Variants in MALT1 observed in about 807,000 individuals in gnomAD.
MALT1 encodes the protein mucosa-associated lymphoid tissue lymphoma translocation protein 1.
A neutral mutation model predicts 85.5 loss-of-function variants in MALT1; 36 were observed. The ratio of observed to expected loss-of-function variants is 0.42; its 90% CI spans 0.32 to 0.56. MALT1 has a LOEUF of 0.56. Among genes scored for constraint, MALT1 ranks in the 20% least tolerant of loss-of-function variants. The probability of loss-of-function intolerance (pLI) is 0.10; values close to 1 mark genes in which losing one functional copy is unlikely to be tolerated. For missense variants in MALT1, 716 were observed against 981.6 expected (o/e 0.73, Z 3.62); for synonymous variants, 359 against 361.3 (o/e 0.99, Z 0.07).
Position 58,686,008 on chromosome 18 carries a change from G to A in MALT1, c.376+4672G>A, listed in dbSNP as rs1043391681. Among the ~76,000 whole-genome samples the A allele has an allele frequency of 4.0e-5, 6 of 151,878 alleles. No individual in the cohort carries two copies. In the East Asian group the frequency reaches 9.7e-4, roughly 24 times the overall value. ...GATAGACTTAGATGTGTAGTTCAAG[G>A]TGCTTTTGTTTCTTTTGTTGTTGTT... is the stretch of plus-strand genomic sequence containing the variant. On this transcript the variant is annotated intron_variant, in intron 2 of 16. Coordinates refer to ENST00000649217, the MANE Select transcript of MALT1 (RefSeq NM_006785.4).
At chr18:58,699,360 G>T (rs2054639336) in intron 3 of MALT1, among the ~76,000 whole-genome samples, 2 of 152,180 alleles carry the variant, frequency 1.3e-5, no homozygotes, top group Admixed American at 6.5e-5. Context: ...TAGTAGGATT[G>T]TCAGGCAGTT....
intron 6 of MALT1, among the ~76,000 whole-genome samples, 200 bp from the exon 7 acceptor site, chr18:58,710,721 C>T (rs991371791): frequency 1.3e-5 from 2 of 152,040 alleles, no homozygotes; most frequent in Non-Finnish European, 2.9e-5. Flanking sequence ...TTAACAATCC[C>T]ATTCTTAACT....
chr18:58,680,957 A>C (rs1568122440), intron 1 of MALT1, among the ~76,000 whole-genome samples: 1 of 134,304 alleles, frequency 7.4e-6, no homozygotes, highest in Non-Finnish European at 1.7e-5. Flanking sequence ...AAAAAAAAAT[A>C]ATCATGGGAG....
intron 10 of MALT1, among the ~76,000 whole-genome samples, chr18:58,725,242 A>C (rs2055037715): frequency 6.6e-6 from 1 of 152,164 alleles, no homozygotes; most frequent in Non-Finnish European, 1.5e-5. Flanking sequence ...GAATCGCTTG[A>C]ACCCAGGAGG....
intron 9 of MALT1, among the ~76,000 whole-genome samples, chr18:58,721,250 A>T (rs577338359): frequency 6.6e-6 from 1 of 152,238 alleles, no homozygotes; most frequent in South Asian, 2.1e-4. Flanking sequence ...GTGGTGGCGC[A>T]TGCCTGTAAT....
chr18:58,738,686 A>G (rs1462911370), intron 13 of MALT1, among the ~76,000 whole-genome samples: 1 of 152,160 alleles, frequency 6.6e-6, no homozygotes, highest in African/African-American at 2.4e-5. Flanking sequence ...ATTTTTGCCA[A>G]ATGTTAAATA....
chr18:58,746,664 TTATGGATTACTATAATATTTTAAAA>T (rs1381761198), intron 16 of MALT1, among the ~76,000 whole-genome samples: 1 of 152,170 alleles, frequency 6.6e-6, no homozygotes, highest in Non-Finnish European at 1.5e-5. Flanking sequence ...CCACCTACGA[TTATGGATTACTATAATATTTTAAAA>T]ACAGCTTAAG....
chr18:58,697,617 A>T (rs2054608989), intron 3 of MALT1, among the ~76,000 whole-genome samples: 1 of 152,142 alleles, frequency 6.6e-6, no homozygotes, highest in Non-Finnish European at 1.5e-5. Flanking sequence ...ATGCCCTTTG[A>T]GGAGAAATAG....
intron 13 of MALT1, chr18:58,741,295 C>A (rs1253020986): frequency 6.6e-6 from 1 of 151,912 alleles, no homozygotes; most frequent in Non-Finnish European, 1.5e-5. Context: ...GGCTCATTTT[C>A]TTATCTTTTT....
intron 1 of MALT1, chr18:58,672,971 A>G (rs1293720113): frequency 6.6e-6 from 1 of 152,198 alleles, no homozygotes. Flanking sequence ...GGGTTCCCAG[A>G]CCCCACTTAG....
At chr18:58,676,793 A>G (rs1452182919) in intron 1 of MALT1, among the ~76,000 whole-genome samples, 1 of 152,224 alleles carries the variant, frequency 6.6e-6, no homozygotes, top group Non-Finnish European at 1.5e-5. Context: ...TTGCTGCTGT[A>G]TCCTCAACAC....
chr18:58,710,081 T>C lies in MALT1; in HGVS notation c.925+9T>C. ...GGTAGAAATCATCATAGGTAAGAAG[T>C]ATTTCCCCAGTGTTCTGACAAGTGG... On this transcript the variant is annotated intron_variant, in intron 6 of 16. Coordinates refer to ENST00000649217, the MANE Select transcript of MALT1 (RefSeq NM_006785.4). 1 of 1,557,328 alleles carries C rather than the reference T, an allele frequency of 6.4e-7. No individual in the cohort carries two copies. The highest frequency in any genetic ancestry group is 8.9e-7 in the Non-Finnish European group (1 of 1,129,824).
At chr18:58,725,129 CA>C (rs60468299) in intron 10 of MALT1, among the ~76,000 whole-genome samples, 1,416 of 118,374 alleles carry the variant, frequency 0.012, 19 homozygotes, top group African/African-American at 0.037. Context: ...GACTCCGTCT[CA>C]AAAAAAAAAA....
intron 11 of MALT1, chr18:58,733,808 C>A: frequency 1.0e-6 from 1 of 969,172 alleles, no homozygotes; most frequent in Non-Finnish European, 1.4e-6. Context: ...TGGGCATTTA[C>A]TCACACTACA....
intron 4 of MALT1, among the ~76,000 whole-genome samples, chr18:58,701,121 G>A (rs528539757): frequency 4.1e-5 from 6 of 145,530 alleles, no homozygotes; most frequent in Non-Finnish European, 9.3e-5. Context: ...GTGTGTGTGC[G>A]CGCACGTTCA....
At position 58,700,536 on chromosome 18, in the gene MALT1, T is replaced by C; in HGVS notation, c.594T>C (p.Phe198=). Residue 198 remains phenylalanine (F), a synonymous_variant, in exon 4 of 17, where the codon TTT becomes TTC. Transcript: ENST00000649217. ...GTCGAGTTAATAACAATTTCACCTT[T>C]GAATTCAGCCAGTGGTCACAGCTGG... The part of the protein sequence containing the change: ...YVCRVNNNFT[F]EFSQWSQLDV... 8 of 1,613,262 alleles carry C rather than the reference T, an allele frequency of 5.0e-6. No individual in the cohort carries two copies. Among genetic ancestry groups the C allele is most frequent in the Non-Finnish European group, 5.9e-6 (7 of 1,179,742 alleles).
At chr18:58,674,177 G>A (rs1165498546) in intron 1 of MALT1, 1 of 152,202 alleles carries the variant, frequency 6.6e-6, no homozygotes, top group Admixed American at 6.5e-5. Context: ...GGGAAGAAGC[G>A]TGGCTGCTGG....
chr18:58,674,795 C>CT (rs1430503995), intron 1 of MALT1, among the ~76,000 whole-genome samples: 17 of 152,170 alleles, frequency 1.1e-4, no homozygotes, highest in African/African-American at 4.1e-4. Flanking sequence ...CTGTGAAGTG[C>CT]TTTCTTCAGT....
chr18:58,694,082 C>T (rs988083013), intron 2 of MALT1, among the ~76,000 whole-genome samples: 1 of 152,180 alleles, frequency 6.6e-6, no homozygotes, highest in African/African-American at 2.4e-5. Flanking sequence ...CAACATGTAT[C>T]ACAGATTTCA....
Sources: gnomAD v4.1 joint callset for allele counts (sites outside exome capture counted in the v4.1 genomes callset) on GRCh38, gnomAD v4.1.1 for gene constraint, MANE v1.5 for transcripts, NCBI Gene and HGNC (gene_info 2026-07-23, HGNC 2026-07-21) for gene names.